Variants in SVIL observed in about 807,000 individuals in gnomAD.
SVIL encodes the protein supervillin, also known as archvillin.
Under a neutral mutation model 240.4 loss-of-function variants are expected in SVIL, and 101 were observed. The ratio of observed to expected loss-of-function variants is 0.42; its 90% CI spans 0.36 to 0.50. The LOEUF is 0.50. Ranked by LOEUF, SVIL falls within the 20% of genes least tolerant of loss-of-function variation. SVIL has a pLI of 0.01. For missense variants in SVIL, 2,512 were observed against 2,818.7 expected (o/e 0.89, Z 2.46); for synonymous variants, 999 against 1,100.0 (o/e 0.91, Z 1.82).
At chr10:29,622,639 G>T (rs1777329) in intron 1 of SVIL, among the ~76,000 whole-genome samples, 1 of 152,062 alleles carries the variant, frequency 6.6e-6, no homozygotes, top group Non-Finnish European at 1.5e-5. Context: ...CCATCCATAC[G>T]TTTAAACACG....
chr10:29,606,067 C>A (rs143559180), intron 1 of SVIL, among the ~76,000 whole-genome samples: 1 of 152,054 alleles, frequency 6.6e-6, no homozygotes, highest in East Asian at 1.9e-4. Context: ...TCTGCCACCA[C>A]GCGCAGTTAA....
chr10:29,663,498 A>G (rs1959181278), intron 2 of SVIL, among the ~76,000 whole-genome samples: 1 of 152,088 alleles, frequency 6.6e-6, no homozygotes, highest in Admixed American at 6.5e-5. Flanking sequence ...ATGGAATTAC[A>G]GGTGTGCACC....
At chr10:29,488,308 G>T (rs376317892) in intron 23 of SVIL, among the ~76,000 whole-genome samples, 36 of 152,114 alleles carry the variant, frequency 2.4e-4, no homozygotes, top group African/African-American at 7.7e-4. Context: ...TAAAAGCTGG[G>T]ATTCTGGAGT....
chr10:29,520,434 C>T (rs1436678229), intron 16 of SVIL, among the ~76,000 whole-genome samples: 2 of 152,222 alleles, frequency 1.3e-5, no homozygotes, highest in Non-Finnish European at 2.9e-5. Flanking sequence ...CATCCCTCTC[C>T]TCATTGCACT....
intron 24 of SVIL, 51 bp from the exon 25 acceptor site, chr10:29,486,608 C>G (rs370800490): frequency 6.1e-4 from 973 of 1,605,974 alleles, no homozygotes; most frequent in Non-Finnish European, 7.9e-4. Flanking sequence ...CTTGGCTAGA[C>G]AGAGTGGCAC....
chr10:29,570,641 A>C (rs1589291436), intron 1 of SVIL, among the ~76,000 whole-genome samples: 2 of 152,368 alleles, frequency 1.3e-5, no homozygotes, highest in Middle Eastern at 3.4e-3. Context: ...ATAGCATTTG[A>C]TTTAGAAAAA....
In SVIL at chr10:29,634,599, C is replaced by A. The variant is rs1958239056; in HGVS notation, c.-380G>T. 6.6e-6 allele frequency: 1 copy of A among 152,148 alleles called. No homozygotes were observed. Among genetic ancestry groups the A allele is most frequent in the African/African-American group, 2.4e-5 (1 of 41,442 alleles). The allele number at this position is 152,148 out of a possible 1,614,324, so 9.4% of individuals were successfully genotyped here. ...TTCCAATGAATACTACTTTCAAATTCTAAGCACAAAGTAAAATCCCAAAAG... is the reference window on the plus strand; with the variant it reads ...TTCCAATGAATACTACTTTCAAATTATAAGCACAAAGTAAAATCCCAAAAG... On this transcript the variant is annotated 5_prime_UTR_variant, in exon 1 of 38. Coordinates refer to ENST00000355867, the MANE Select transcript of SVIL (RefSeq NM_021738.3).
intron 13 of SVIL, 26 bp from the exon 14 acceptor site, chr10:29,524,741 A>C (rs1341768104): frequency 1.2e-6 from 2 of 1,607,020 alleles, no homozygotes; most frequent in Admixed American, 1.7e-5. Context: ...TGTCAGCAAC[A>C]CATATACCAA....
intron 17 of SVIL, among the ~76,000 whole-genome samples, chr10:29,500,124 C>T (rs1948758603): frequency 6.6e-6 from 1 of 151,898 alleles, no homozygotes; most frequent in Non-Finnish European, 1.5e-5. Context: ...GGAGATGGGG[C>T]TGAGGAGGGA....
chr10:29,719,448 G>A (rs12252690), intron 1 of SVIL, among the ~76,000 whole-genome samples: 17,505 of 152,038 alleles, frequency 0.12, 1,337 homozygotes, highest in African/African-American at 0.22. Context: ...CATCCCCCCA[G>A]AAGATAACAT....
chr10:29,595,524 C>T (rs900531429), intron 1 of SVIL, among the ~76,000 whole-genome samples: 1 of 152,224 alleles, frequency 6.6e-6, no homozygotes, highest in Non-Finnish European at 1.5e-5. Flanking sequence ...TAAGCAATAG[C>T]AGCAAAGAAG....
intron 27 of SVIL, chr10:29,483,673 C>T (rs1176436261): frequency 2.6e-5 from 4 of 152,172 alleles, no homozygotes; most frequent in African/African-American, 9.7e-5. Context: ...ATAAAATCTT[C>T]TGAGCTGTAG....
chr10:29,624,353 C>G (rs1957784552), intron 1 of SVIL, among the ~76,000 whole-genome samples: 1 of 152,104 alleles, frequency 6.6e-6, no homozygotes, highest in African/African-American at 2.4e-5. Context: ...GCCTGGCCAA[C>G]ATGGCGAAAC....
chr10:29,487,376 G>A, intron 23 of SVIL, 77 bp from the exon 24 acceptor site: 1 of 1,488,602 alleles, frequency 6.7e-7, no homozygotes, highest in Non-Finnish European at 9.1e-7. Context: ...AAGCATCCCT[G>A]CTGCGGACGC....
At chr10:29,568,858 T>C (rs567132759) in intron 2 of SVIL, among the ~76,000 whole-genome samples, 2 of 151,146 alleles carry the variant, frequency 1.3e-5, no homozygotes, top group East Asian at 1.9e-4. Flanking sequence ...TGTGTGTCTA[T>C]GGAAAAAGGG....
At chr10:29,677,332 G>T (rs76588275) in intron 2 of SVIL, among the ~76,000 whole-genome samples, 2,696 of 152,178 alleles carry the variant, frequency 0.018, 55 homozygotes, top group East Asian at 0.094. Context: ...ATGTACAGGC[G>T]ATATCCCCAA....
chr10:29,554,841 C>T lies in SVIL; in HGVS notation c.102G>A (p.Leu34=), dbSNP rs747243802. The T allele has an allele frequency of 1.9e-6, 3 of 1,613,636 alleles. No individual in the cohort carries two copies. The highest frequency in any genetic ancestry group is 1.1e-5 in the South Asian group (1 of 90,976). The change falls in exon 5 of 38, where the codon CTG becomes CTA. Residue 34 remains leucine (L), a synonymous_variant. Coordinates refer to ENST00000355867, the MANE Select transcript of SVIL (RefSeq NM_021738.3). ...QSCTGLVTHR[L]LEEDTPRYMR... The stretch of plus-strand genomic sequence containing the variant: ...TGTATCGAGGGGTGTCTTCCTCCAG[C>T]AGGCGGTGAGTCACCAATCCTGTGC...
At chr10:29,585,982 A>G (rs1213472389) in intron 1 of SVIL, among the ~76,000 whole-genome samples, 1 of 152,272 alleles carries the variant, frequency 6.6e-6, no homozygotes. Context: ...TCCATGAGCC[A>G]TAACCCATAG....
At chr10:29,654,964 C>A (rs905189220) in intron 3 of SVIL, among the ~76,000 whole-genome samples, 1 of 152,208 alleles carries the variant, frequency 6.6e-6, no homozygotes, top group African/African-American at 2.4e-5. Flanking sequence ...TGATCACCCA[C>A]ATGGAGGGTG....
Sources: gnomAD v4.1 joint callset for allele counts (sites outside exome capture counted in the v4.1 genomes callset) on GRCh38, gnomAD v4.1.1 for gene constraint, MANE v1.5 for transcripts, NCBI Gene and HGNC (gene_info 2026-07-23, HGNC 2026-07-21) for gene names.